PUM2: variants seen among roughly 807,000 people sequenced by gnomAD.
PUM2 encodes the protein pumilio RNA binding family member 2.
In PUM2, 57 loss-of-function variants were observed where a neutral mutation model predicts 124.5. The observed-to-expected ratio is 0.46, with a 90% CI of 0.37 to 0.57. The LOEUF (loss-of-function observed/expected upper bound fraction) is 0.57, where lower values mean the gene tolerates loss of function less well. Among genes scored for constraint, PUM2 ranks in the 20% least tolerant of loss-of-function variants. The pLI is 0.00. For synonymous variants in PUM2, 460 were observed against 446.1 expected, an observed-to-expected ratio of 1.03 and a Z score of -0.39; for missense variants, 1,065 against 1,290.6, an observed-to-expected ratio of 0.83 and a Z score of 2.68.
At chr2:20,340,265 G>A (rs536148773) in intron 1 of PUM2, among the ~76,000 whole-genome samples, 2 of 152,308 alleles carry the variant, frequency 1.3e-5, no homozygotes, top group East Asian at 1.9e-4. Context: ...AGAATGCTAC[G>A]TTTCACTCCA....
intron 1 of PUM2, among the ~76,000 whole-genome samples, chr2:20,334,558 C>T (rs1369082521): frequency 1.3e-5 from 2 of 151,970 alleles, no homozygotes; most frequent in East Asian, 1.9e-4. Flanking sequence ...TGTAAACGTT[C>T]AACATTTAAT....
At chr2:20,346,659 TC>T (rs1688297859) in intron 1 of PUM2, among the ~76,000 whole-genome samples, 1 of 152,184 alleles carries the variant, frequency 6.6e-6, no homozygotes, top group Non-Finnish European at 1.5e-5. Context: ...AGAGCTGTCC[TC>T]AAACCAGGTT....
At chr2:20,280,898 T>A (rs569670764) in intron 12 of PUM2, among the ~76,000 whole-genome samples, 203 of 152,338 alleles carry the variant, frequency 1.3e-3, no homozygotes, top group African/African-American at 4.7e-3. Flanking sequence ...TATGTTACGA[T>A]GTTTAGGCTT....
intron 7 of PUM2, 26 bp downstream of exon 7, chr2:20,307,952 C>CA (rs1483023032): frequency 6.3e-6 from 10 of 1,591,326 alleles, no homozygotes; most frequent in Non-Finnish European, 8.6e-6. Flanking sequence ...AGACTTTGGT[C>CA]AAAATGAGAA....
At position 20,255,265 on chromosome 2, in the gene PUM2, G is replaced by A. The variant is rs1558472695; in HGVS notation, c.2699C>T (p.Thr900Ile). The change falls in exon 18 of 21, where the codon ACC becomes ATC. Residue 900 changes from threonine (T) to isoleucine (I), a missense_variant. Transcript: ENST00000361078. ...GTGGAGTTCTTCTAAGATAGGTAAG[G>A]TCTGTTCTGCAGTGCAATGCTCTAG... ...RILEHCTAEQTLPILEELHQH... is the reference protein window; with the variant it reads ...RILEHCTAEQILPILEELHQH... The A allele has an allele frequency of 6.2e-7, 1 of 1,606,176 alleles. No individual in the cohort carries two copies. Among genetic ancestry groups the A allele is most frequent in the East Asian group, 2.2e-5 (1 of 44,832 alleles).
At chr2:20,262,354 T>TTA (rs1666512129) in intron 14 of PUM2, among the ~76,000 whole-genome samples, 1 of 152,260 alleles carries the variant, frequency 6.6e-6, no homozygotes, top group African/African-American at 2.4e-5. Flanking sequence ...ATCTTTTCTA[T>TTA]TGTTTATTAT....
At chr2:20,274,953 T>C (rs984672018) in intron 13 of PUM2, among the ~76,000 whole-genome samples, 12 of 636 alleles carry the variant, frequency 0.019, no homozygotes, top group Non-Finnish European at 0.072. Context: ...AAGTGAAGTA[T>C]CTCCAAAAAA....
intron 9 of PUM2, among the ~76,000 whole-genome samples, chr2:20,291,910 T>C (rs1332075528): frequency 6.6e-6 from 1 of 152,082 alleles, no homozygotes; most frequent in Non-Finnish European, 1.5e-5. Context: ...GAATTTTCCA[T>C]CACCAAGAAA....
intron 9 of PUM2, among the ~76,000 whole-genome samples, chr2:20,292,656 C>T (rs991790601): frequency 2.6e-5 from 4 of 152,040 alleles, no homozygotes; most frequent in African/African-American, 4.8e-5. Flanking sequence ...CTAGGCTGGG[C>T]GCAGTGGCTC....
At chr2:20,252,614 C>CT (rs1255502766) in intron 20 of PUM2, among the ~76,000 whole-genome samples, 1 of 151,890 alleles carries the variant, frequency 6.6e-6, no homozygotes, top group Non-Finnish European at 1.5e-5. Flanking sequence ...TTTCAGTGTT[C>CT]TTTCAGTTTT....
intron 16 of PUM2, among the ~76,000 whole-genome samples, chr2:20,256,592 G>A (rs555324786): frequency 7.9e-5 from 12 of 152,182 alleles, no homozygotes; most frequent in African/African-American, 2.9e-4. Flanking sequence ...ACCACCAAAG[G>A]AATTATTTTT....
intron 10 of PUM2, among the ~76,000 whole-genome samples, chr2:20,287,343 A>G (rs1416027570): frequency 1.3e-5 from 2 of 152,234 alleles, no homozygotes. Flanking sequence ...GTAATTATCA[A>G]TGAATGAGCA....
intron 1 of PUM2, among the ~76,000 whole-genome samples, chr2:20,337,461 G>C (rs1012066991): frequency 1.3e-5 from 2 of 152,090 alleles, no homozygotes; most frequent in African/African-American, 2.4e-5. Context: ...GCTATCAAGG[G>C]TTCACAATAC....
intron 1 of PUM2, among the ~76,000 whole-genome samples, chr2:20,336,452 TGCTA>T (rs1686043237): frequency 6.6e-6 from 1 of 151,902 alleles, no homozygotes; most frequent in Non-Finnish European, 1.5e-5. Context: ...CCTCCCAAAA[TGCTA>T]GCATTACAGG....
chr2:20,300,230 A>G (rs1558587901), intron 7 of PUM2, among the ~76,000 whole-genome samples: 1 of 151,660 alleles, frequency 6.6e-6, no homozygotes, highest in Non-Finnish European at 1.5e-5. Context: ...GCTCACCACA[A>G]CCTCCGCCTC....
At chr2:20,279,339 C>T (rs915332205) in intron 12 of PUM2, among the ~76,000 whole-genome samples, 31 of 151,994 alleles carry the variant, frequency 2.0e-4, no homozygotes, top group Non-Finnish European at 8.8e-5. Context: ...CATATTGGCC[C>T]GAATATTGAT....
intron 2 of PUM2, 99 bp from the exon 3 acceptor site, chr2:20,318,744 T>C: frequency 1.4e-6 from 1 of 722,476 alleles, no homozygotes; most frequent in Non-Finnish European, 2.2e-6. Context: ...ACATTAGTTT[T>C]CAATGCTAAT....
In PUM2 at chr2:20,283,215, AGCTGCT is replaced by A; in HGVS notation, c.1446_1451del (p.Ala483_Ala484del). On this transcript the variant is annotated inframe_deletion, in exon 12 of 21. Transcript: ENST00000361078. ...CTGTAAGGCTACTTGCAGTTCCTCC[AGCTGCT>A]GCTGCTGCTGCTGTAAAATAAATTT... 10 of 1,612,196 alleles carry A rather than the reference AGCTGCT, an allele frequency of 6.2e-6. No homozygotes were observed. Among genetic ancestry groups the A allele is most frequent in the East Asian group, 2.2e-5 (1 of 44,874 alleles).
At chr2:20,330,030 G>A (rs554823247) in intron 1 of PUM2, among the ~76,000 whole-genome samples, 1 of 151,792 alleles carries the variant, frequency 6.6e-6, no homozygotes, top group African/African-American at 2.4e-5. Context: ...CACACTTACA[G>A]TCATTATAAA....
Sources: gnomAD v4.1 joint callset for allele counts (sites outside exome capture counted in the v4.1 genomes callset) on GRCh38, gnomAD v4.1.1 for gene constraint, MANE v1.5 for transcripts, NCBI Gene and HGNC (gene_info 2026-07-23, HGNC 2026-07-21) for gene names.